Variants in PKD1L3 observed in about 807,000 individuals in gnomAD.
PKD1L3 encodes polycystin 1 like 3, transient receptor potential channel interacting.
PKD1L3 carries 239 observed loss-of-function variants against 184.1 expected under a neutral mutation model. The ratio of observed to expected loss-of-function variants is 1.30; its 90% CI spans 1.17 to 1.45. The LOEUF (loss-of-function observed/expected upper bound fraction) is 1.45, where lower values mean the gene tolerates loss of function less well. PKD1L3 is among the 40% of genes most tolerant of loss of function. The probability of loss-of-function intolerance (pLI) is 0.00; values close to 1 mark genes in which losing one functional copy is unlikely to be tolerated. For missense variants in PKD1L3, 2,660 were observed against 2,067.2 expected, an observed-to-expected ratio of 1.29 and a Z score of -5.56; for synonymous variants, 996 against 778.8, an observed-to-expected ratio of 1.28 and a Z score of -4.64.
intron 6 of PKD1L3, 92 bp downstream of exon 6, chr16:71,983,944 T>G: frequency 1.4e-4 from 205 of 1,476,312 alleles, no homozygotes; most frequent in Non-Finnish European, 1.7e-4. Context: ...ATTACAGGCG[T>G]GAGCCACCGC....
chr16:71,974,248 G>C (rs1446331059), intron 11 of PKD1L3, among the ~76,000 whole-genome samples: 1 of 152,192 alleles, frequency 6.6e-6, no homozygotes, highest in Non-Finnish European at 1.5e-5. Context: ...CAGCTGGCTG[G>C]TAGGGGCTAA....
chr16:71,984,858 CAA>C (rs534774139), intron 5 of PKD1L3, among the ~76,000 whole-genome samples: 2 of 151,760 alleles, frequency 1.3e-5, no homozygotes, highest in East Asian at 1.9e-4. Context: ...GAATCTGTCT[CAA>C]AAAAAGAGTC....
At chr16:71,941,188 C>A (rs1243832207) in intron 24 of PKD1L3, among the ~76,000 whole-genome samples, 2 of 151,894 alleles carry the variant, frequency 1.3e-5, no homozygotes, top group South Asian at 2.1e-4. Context: ...ATGCTGAAAA[C>A]TGTAGATCAA....
rs2038780202 is a variant in PKD1L3, at chr16:71,950,265, A to G, written c.3236T>C (p.Val1079Ala). ...TAAGTGAGATTTCAGCCTCTGCAGAACTCTATGCAGGTAACAGCAGAAATG... is the reference window on the plus strand; with the variant it reads ...TAAGTGAGATTTCAGCCTCTGCAGAGCTCTATGCAGGTAACAGCAGAAATG... ...HHHFCCYLHR[V>A]LQRLKSHLGT... The change falls in exon 20 of 30, where the codon GTT becomes GCT. Residue 1079 changes from valine (V) to alanine (A), a missense_variant. Val to Ala is a moderately conservative substitution (Grantham distance 64). Transcript: ENST00000620267. The G allele has an allele frequency of 1.3e-6, 2 of 1,550,236 alleles. No individual in the cohort carries two copies. Among genetic ancestry groups the G allele is most frequent in the Non-Finnish European group, 1.7e-6 (2 of 1,145,976 alleles).
intron 26 of PKD1L3, among the ~76,000 whole-genome samples, chr16:71,934,834 A>G (rs2038118901): frequency 6.6e-6 from 1 of 152,222 alleles, no homozygotes; most frequent in African/African-American, 2.4e-5. Flanking sequence ...CACTGATGCA[A>G]AGGTTAGCAA....
intron 13 of PKD1L3, 91 bp from the exon 14 acceptor site, chr16:71,968,098 G>C: frequency 9.6e-7 from 1 of 1,037,268 alleles, no homozygotes; most frequent in East Asian, 2.6e-5. Context: ...GATGAACTCC[G>C]GCAGGTGTCT....
Position 71,993,295 on chromosome 16 carries a change from A to C in PKD1L3, c.456T>G (p.Asn152Lys), listed in dbSNP as rs9931901. The C allele has an allele frequency of 6.5e-7, 1 of 1,548,944 alleles. No individual in the cohort carries two copies. Among genetic ancestry groups the C allele is most frequent in the Non-Finnish European group, 8.7e-7 (1 of 1,146,252 alleles). ...TCTGGTACAAATGGGAATTATTTCC[A>C]TTTCTTTCATAATGGGCATCTCCGT... ...FLDGDAHYER[N>K]GNNSHLYQRH... is the part of the protein sequence containing the mutation. The change falls in exon 3 of 30, where the codon AAT becomes AAG. Residue 152 changes from asparagine to lysine, a missense_variant. By Grantham distance (94) the Asn-to-Lys change is moderately conservative. Transcript: ENST00000620267.
At chr16:71,945,411 T>C (rs1419335269) in intron 22 of PKD1L3, among the ~76,000 whole-genome samples, 1 of 145,402 alleles carries the variant, frequency 6.9e-6, no homozygotes, top group Non-Finnish European at 1.5e-5. Flanking sequence ...TATTTATTTA[T>C]TTATTTATTT....
At position 71,947,476 on chromosome 16, in the gene PKD1L3, G is replaced by A. The variant is rs1567501008; in HGVS notation, c.3718+16C>T. ...TTTTTGCAAAATTAGGTAGTTGTTA[G>A]AACTACTTGAGTTACCCAAGAGTGC... On this transcript the variant is annotated intron_variant, in intron 22 of 29. Transcript: ENST00000620267. 1 of 1,492,310 alleles carries A rather than the reference G, an allele frequency of 6.7e-7. No individual in the cohort carries two copies. Among genetic ancestry groups the A allele is most frequent in the Non-Finnish European group, 9.1e-7 (1 of 1,094,444 alleles). 92.4% of individuals were successfully genotyped at this position (1,492,310 alleles called of 1,614,324 possible).
At chr16:71,961,770 G>C (rs746731330) in intron 16 of PKD1L3, among the ~76,000 whole-genome samples, 9 of 152,150 alleles carry the variant, frequency 5.9e-5, no homozygotes, top group Non-Finnish European at 1.0e-4. Flanking sequence ...CAGGAGAAAA[G>C]TAACATGGTT....
chr16:71,982,139 C>T lies in PKD1L3; in HGVS notation c.1063G>A (p.Val355Ile), dbSNP rs527846134. 3 of 1,551,964 alleles carry T rather than the reference C, an allele frequency of 1.9e-6. No individual in the cohort carries two copies. The East Asian group carries it at 7.3e-5, about 38-fold the overall frequency. ...NSLGFKVPPT[V>I]CPFHSLNNVT... ...TTGTTGAGGGAATGAAAGGGGCAGACAGTTGGAGGAACTTTGAAGCCCAGA... is the reference window on the plus strand; with the variant it reads ...TTGTTGAGGGAATGAAAGGGGCAGATAGTTGGAGGAACTTTGAAGCCCAGA... The change falls in exon 7 of 30, where the codon GTC (valine) becomes ATC (isoleucine). Residue 355 changes from valine (V) to isoleucine (I), a missense_variant. Physicochemically the swap from Val to Ile is conservative, Grantham distance 29 (BLOSUM62 3). Coordinates refer to ENST00000620267, the MANE Select transcript of PKD1L3 (RefSeq NM_181536.2).
At chr16:71,996,101 G>C (rs1048100831) in intron 2 of PKD1L3, among the ~76,000 whole-genome samples, 1 of 151,812 alleles carries the variant, frequency 6.6e-6, no homozygotes, top group Non-Finnish European at 1.5e-5. Context: ...TTCACATGCC[G>C]ATGTAAGAGA....
chr16:71,941,731 C>T (rs1051913341), intron 24 of PKD1L3, among the ~76,000 whole-genome samples: 1 of 151,600 alleles, frequency 6.6e-6, no homozygotes, highest in Non-Finnish European at 1.5e-5. Flanking sequence ...ACTGCAGGCG[C>T]GAGCCACCAT....
intron 3 of PKD1L3, among the ~76,000 whole-genome samples, chr16:71,991,969 A>G (rs1219101397): frequency 6.6e-6 from 1 of 152,128 alleles, no homozygotes; most frequent in Non-Finnish European, 1.5e-5. Flanking sequence ...CACCACATCT[A>G]ATTTTTTTAA....
intron 4 of PKD1L3, among the ~76,000 whole-genome samples, chr16:71,989,391 G>C (rs901712250): frequency 5.3e-5 from 8 of 152,212 alleles, no homozygotes; most frequent in African/African-American, 1.9e-4. Flanking sequence ...GACCTCAGGT[G>C]ATCCGCCCGC....
Position 71,933,914 on chromosome 16 carries a change from C to G in PKD1L3, c.4824+1G>C. Reference sequence around the variant, plus strand: ...GGAGAGACAGCAACGTGGGGGCTTACGGCAATGGCATAGCCTGTCAGCAGG... The same window carrying G: ...GGAGAGACAGCAACGTGGGGGCTTAGGGCAATGGCATAGCCTGTCAGCAGG... On this transcript the variant is annotated splice_donor_variant, in intron 27 of 29. Transcript: ENST00000620267. LOFTEE classifies it high-confidence loss of function. The G allele has an allele frequency of 8.4e-6, 13 of 1,550,716 alleles. No homozygotes were observed. The highest frequency in any genetic ancestry group is 1.1e-5 in the Non-Finnish European group (13 of 1,146,446).
chr16:71,961,546 G>A (rs2143512501), intron 16 of PKD1L3, among the ~76,000 whole-genome samples: 1 of 139,772 alleles, frequency 7.2e-6, no homozygotes, highest in South Asian at 2.5e-4. Flanking sequence ...CTCTCTTGAG[G>A]TTGCCACGCA....
intron 11 of PKD1L3, among the ~76,000 whole-genome samples, chr16:71,976,331 C>T (rs8063234): frequency 0.76 from 110,370 of 145,784 alleles, 42,022 homozygotes; most frequent in South Asian, 0.86. Context: ...TCTTGGCTCA[C>T]GGCAACCTCT....
At chr16:71,998,133 A>G (rs954286834) in intron 2 of PKD1L3, 139 bp downstream of exon 2, 4 of 1,152,622 alleles carry the variant, frequency 3.5e-6, no homozygotes, top group Non-Finnish European at 4.9e-6. Context: ...GCTAATCAGC[A>G]TCATGAAAAT....
Sources: allele counts gnomAD v4.1 joint callset (sites outside exome capture counted in the v4.1 genomes callset), GRCh38; gene constraint gnomAD v4.1.1; transcripts MANE v1.5; gene names NCBI Gene and HGNC (gene_info 2026-07-23, HGNC 2026-07-21).